CAND1: variants seen among roughly 807,000 people sequenced by gnomAD.
CAND1 encodes cullin associated and neddylation dissociated 1, also known as cullin-associated NEDD8-dissociated protein 1.
CAND1 carries 7 observed loss-of-function variants against 108.5 expected under a neutral mutation model. The observed-to-expected ratio is 0.06, with a 90% CI of 0.04 to 0.12. The LOEUF (loss-of-function observed/expected upper bound fraction) is 0.12, where lower values mean the gene tolerates loss of function less well. Ranked by LOEUF, CAND1 falls within the 10% of genes least tolerant of loss-of-function variation. The pLI is 1.00. For synonymous variants in CAND1, 534 were observed against 512.0 expected (o/e 1.04, Z -0.58); for missense variants, 941 against 1,448.7 (o/e 0.65, Z 5.69).
intron 1 of CAND1, among the ~76,000 whole-genome samples, chr12:67,272,942 G>A (rs535549847): frequency 3.3e-5 from 5 of 152,134 alleles, no homozygotes; most frequent in Admixed American, 1.3e-4. Context: ...TGATCCACCC[G>A]CCTGGGCCTC....
intron 7 of CAND1, 99 bp from the exon 8 acceptor site, chr12:67,302,224 G>C (rs150094163): frequency 1.8e-6 from 2 of 1,107,276 alleles, no homozygotes; most frequent in African/African-American, 1.5e-5. Flanking sequence ...CGGAAAGTTA[G>C]ATTAACTGAT....
intron 2 of CAND1, among the ~76,000 whole-genome samples, chr12:67,291,763 C>T (rs968020690): frequency 2.0e-5 from 3 of 152,166 alleles, no homozygotes; most frequent in Non-Finnish European, 4.4e-5. Context: ...CCATGGCACT[C>T]AAAGGGTTTT....
intron 3 of CAND1, among the ~76,000 whole-genome samples, chr12:67,293,428 C>T: frequency 6.6e-6 from 1 of 152,162 alleles, no homozygotes; most frequent in African/African-American, 2.4e-5. Context: ...GAGATTATCA[C>T]CTATTTCATG....
rs2045003287 is a variant in CAND1 at position 67,315,870 on chromosome 12, A to C, written c.*3040A>C. On this transcript the variant is annotated 3_prime_UTR_variant, in exon 15 of 15. Coordinates refer to ENST00000545606, the MANE Select transcript of CAND1 (RefSeq NM_018448.5). Reference sequence around the variant, plus strand: ...AAATGAGGAAGTATACAAAATCCTCAGCCACTGAAAAATTCAGTTAACTTG... The same window carrying C: ...AAATGAGGAAGTATACAAAATCCTCCGCCACTGAAAAATTCAGTTAACTTG... 2.0e-5 allele frequency: 3 copies of C among 152,310 alleles called. No individual in the cohort carries two copies. In the South Asian group the frequency reaches 6.2e-4, roughly 32 times the overall value. 9.4% of individuals were successfully genotyped at this position (152,310 alleles called of 1,614,324 possible). A position where few individuals can be genotyped will look rare whatever the true frequency, so the allele number is the denominator to read the frequency against.
chr12:67,272,690 GT>G (rs2135986978), intron 1 of CAND1, among the ~76,000 whole-genome samples: 1 of 152,030 alleles, frequency 6.6e-6, no homozygotes, highest in African/African-American at 2.4e-5. Context: ...TGTTGTTGTT[GT>G]TTTGGTTTTT....
intron 2 of CAND1, among the ~76,000 whole-genome samples, chr12:67,289,280 G>A (rs577181715): frequency 6.9e-4 from 105 of 152,078 alleles, no homozygotes; most frequent in African/African-American, 2.4e-3. Context: ...GTGTGGTGGC[G>A]CCATCTCAGC....
intron 3 of CAND1, chr12:67,293,056 A>T (rs1380449655): frequency 8.9e-6 from 3 of 335,216 alleles, no homozygotes; most frequent in East Asian, 8.2e-5. Context: ...CCATGACTGC[A>T]GACTAGAGTT....
At chr12:67,284,138 C>G (rs1216487902) in intron 2 of CAND1, among the ~76,000 whole-genome samples, 2 of 152,010 alleles carry the variant, frequency 1.3e-5, no homozygotes, top group East Asian at 3.9e-4. Context: ...ATATTTCACA[C>G]GTCTTTAAAA....
intron 11 of CAND1, among the ~76,000 whole-genome samples, chr12:67,308,127 A>C (rs1383641616): frequency 6.6e-6 from 1 of 152,072 alleles, no homozygotes. Context: ...TAATAGCCAA[A>C]AACACCTCAG....
At chr12:67,289,054 A>G (rs980768638) in intron 2 of CAND1, among the ~76,000 whole-genome samples, 1 of 152,114 alleles carries the variant, frequency 6.6e-6, no homozygotes, top group African/African-American at 2.4e-5. Context: ...GTGTATGTGC[A>G]TATGTATCTT....
Position 67,305,615 on chromosome 12 carries a change from A to G in CAND1, c.1947A>G (p.Gly649=), listed in dbSNP as rs745465499. 1 of 1,614,166 alleles carries G rather than the reference A, an allele frequency of 6.2e-7. No individual in the cohort carries two copies. Among genetic ancestry groups the G allele is most frequent in the East Asian group, 2.2e-5 (1 of 44,878 alleles). The change falls in exon 10 of 15, where the codon GGA becomes GGG. Residue 649 remains glycine, a synonymous_variant. Transcript: ENST00000545606. The surrounding 1 kb of genome is among the most constrained non-coding windows in gnomAD (Gnocchi z 4.4). ...AGATAGATTTGAGGCCTGTTCTGGG[A>G]GAAGGGGTTCCTATCCTTGCTTCAT... ...PLKIDLRPVL[G]EGVPILASFL...
rs755643642 is a variant in CAND1 at position 67,306,120 on chromosome 12, G to A, written c.2452G>A (p.Val818Ile). ...ATGCCCTAAAGAGGGACCAGCTGTA[G>A]TAGGTCAGTTTATTCAAGATGTCAA... ...RACPKEGPAV[V>I]GQFIQDVKNS... The change falls in exon 10 of 15, where the codon GTA becomes ATA. Residue 818 changes from valine (V) to isoleucine (I), a missense_variant. By Grantham distance (29) the Val-to-Ile change is conservative. Transcript: ENST00000545606. 6.2e-7 allele frequency: 1 copy of A among 1,614,156 alleles called. No individual in the cohort carries two copies. The highest frequency in any genetic ancestry group is 2.2e-5 in the East Asian group (1 of 44,878).
chr12:67,285,907 C>T (rs2044666112), intron 2 of CAND1, among the ~76,000 whole-genome samples: 1 of 152,060 alleles, frequency 6.6e-6, no homozygotes. Context: ...TTTGTTTATT[C>T]ATTTGGTTTC....
chr12:67,289,489 A>G (rs1021381864), intron 2 of CAND1, among the ~76,000 whole-genome samples: 2 of 152,146 alleles, frequency 1.3e-5, no homozygotes, highest in Non-Finnish European at 1.5e-5. Context: ...CCTGGGCTCC[A>G]GTGATCCTCA....
At chr12:67,312,507 C>T (rs950967096) in intron 14 of CAND1, 99 bp from the exon 15 acceptor site, 11 of 678,044 alleles carry the variant, frequency 1.6e-5, no homozygotes, top group African/African-American at 3.6e-5. Context: ...TATGGACCTA[C>T]GAGAGTAGCT....
intron 2 of CAND1, among the ~76,000 whole-genome samples, chr12:67,284,872 G>C (rs1438520553): frequency 9.3e-6 from 1 of 107,918 alleles, no homozygotes; most frequent in Non-Finnish European, 2.2e-5. Flanking sequence ...GCAAATATGT[G>C]TATCTCTCTG....
At position 67,276,384 on chromosome 12, in the gene CAND1, C is replaced by T. The variant is rs140629872; in HGVS notation, c.69-5526C>T. Among the ~76,000 whole-genome samples the T allele has an allele frequency of 2.6e-3, 390 of 152,200 alleles. 3 individuals are homozygous for T. Among genetic ancestry groups the T allele is most frequent in the African/African-American group, 9.2e-3 (382 of 41,514 alleles). ...ATTCTCTTATATGGGCATCCTGACA[C>T]GAGTTGGGTTTTTGTCCGTAATAGT... On this transcript the variant is annotated intron_variant, in intron 1 of 14. Coordinates refer to ENST00000545606, the MANE Select transcript of CAND1 (RefSeq NM_018448.5).
chr12:67,305,359 A>G lies in CAND1; in HGVS notation c.1691A>G (p.Tyr564Cys). The G allele has an allele frequency of 6.2e-7, 1 of 1,614,144 alleles. No individual in the cohort carries two copies. Among genetic ancestry groups the G allele is most frequent in the Non-Finnish European group, 8.5e-7 (1 of 1,180,014 alleles). The change falls in exon 10 of 15, where the codon TAT becomes TGT. Residue 564 changes from tyrosine to cysteine, a missense_variant. Physicochemically the swap from Tyr to Cys is radical, Grantham distance 194 (BLOSUM62 -2). This residue lies in a region of CAND1 where 697 missense variants were observed against 942.0 expected (regional missense o/e 0.74). Coordinates refer to ENST00000545606, the MANE Select transcript of CAND1 (RefSeq NM_018448.5). The surrounding 1 kb of genome is among the most constrained non-coding windows in gnomAD (Gnocchi z 4.4). ...DQPSSFDATP[Y>C]IKDLFTCTIK... Reference sequence around the variant, plus strand: ...CCTTCCTCGTTTGATGCAACTCCTTATATCAAAGATCTATTTACCTGTACC... The same window carrying G: ...CCTTCCTCGTTTGATGCAACTCCTTGTATCAAAGATCTATTTACCTGTACC...
rs1592622392 is a variant in CAND1 at position 67,305,273 on chromosome 12, T to C, written c.1605T>C (p.Ile535=). The C allele has an allele frequency of 6.2e-7, 1 of 1,614,194 alleles. No individual in the cohort carries two copies. The highest frequency in any genetic ancestry group is 8.5e-7 in the Non-Finnish European group (1 of 1,180,024). ...VACVGDPFYK[I]TSEALLVTQQ... is the part of the protein sequence containing the mutation. ...GTGTTGGAGACCCATTTTACAAAAT[T>C]ACATCTGAAGCACTTCTTGTTACTC... Residue 535 remains isoleucine (I), a synonymous_variant, in exon 10 of 15, where the codon ATT becomes ATC. Coordinates refer to ENST00000545606, the MANE Select transcript of CAND1 (RefSeq NM_018448.5). The surrounding 1 kb of genome is among the most constrained non-coding windows in gnomAD (Gnocchi z 4.4).
Sources: gnomAD v4.1 joint callset for allele counts (sites outside exome capture counted in the v4.1 genomes callset) on GRCh38, gnomAD v4.1.1 for gene constraint, gnomAD v4.1.1 regional missense constraint, Gnocchi (gnomAD v3.1) non-coding constraint, MANE v1.5 for transcripts, NCBI Gene and HGNC (gene_info 2026-07-23, HGNC 2026-07-21) for gene names.